The following ABCC4 variants were observed in gnomAD, a reference collection of about 807,000 sequenced individuals.
The protein encoded by ABCC4 is ATP-binding cassette sub-family C member 4.
ABCC4 carries 102 observed loss-of-function variants against 168.5 expected under a neutral mutation model. The observed-to-expected ratio is 0.61, with a 90% CI of 0.52 to 0.71. The LOEUF is 0.71. Ranked by LOEUF, ABCC4 falls within the 30% of genes least tolerant of loss-of-function variation. The probability of loss-of-function intolerance (pLI) is 0.00; values close to 1 mark genes in which losing one functional copy is unlikely to be tolerated. For missense variants in ABCC4, 1,402 were observed against 1,605.8 expected (o/e 0.87, Z 2.17); for synonymous variants, 617 against 590.7 (o/e 1.04, Z -0.65).
chr13:95,133,108 C>CTTTTTT (rs761691210), intron 19 of ABCC4, among the ~76,000 whole-genome samples: 35 of 110,662 alleles, frequency 3.2e-4, no homozygotes, highest in African/African-American at 5.3e-4. Context: ...GATTTTAAAA[C>CTTTTTT]TTTTTTTTTT....
chr13:95,245,867 A>C (rs1594371885), intron 3 of ABCC4, among the ~76,000 whole-genome samples: 1 of 119,948 alleles, frequency 8.3e-6, no homozygotes, highest in South Asian at 3.5e-4. Context: ...CCACATACAA[A>C]CCAACCCCCT....
rs2038787870 is a variant in ABCC4 at position 95,206,607 on chromosome 13, C to T, written c.1086G>A (p.Arg362=). ...AGGGGAAGAAGAGGGTAACCGTCAGCCGCACAGCCCCATACAGCGTCACTG... is the reference window on the plus strand; with the variant it reads ...AGGGGAAGAAGAGGGTAACCGTCAGTCGCACAGCCCCATACAGCGTCACTG... ...FVAVTLYGAV[R]LTVTLFFPSA... Residue 362 remains arginine (R), a synonymous_variant, in exon 8 of 31, where the codon CGG becomes CGA. Transcript: ENST00000645237. The T allele has an allele frequency of 3.1e-6, 5 of 1,614,180 alleles. No individual in the cohort carries two copies. The highest frequency in any genetic ancestry group is 1.6e-4 in the Middle Eastern group (1 of 6,062).
At chr13:95,033,806 C>T (rs1368465642) in intron 30 of ABCC4, among the ~76,000 whole-genome samples, 1 of 152,014 alleles carries the variant, frequency 6.6e-6, no homozygotes, top group East Asian at 1.9e-4. Flanking sequence ...GGGTTACAGG[C>T]ATGTGCTACC....
At chr13:95,291,681 G>A (rs2041408861) in intron 1 of ABCC4, among the ~76,000 whole-genome samples, 1 of 152,128 alleles carries the variant, frequency 6.6e-6, no homozygotes, top group African/African-American at 2.4e-5. Flanking sequence ...GAGGTCAATT[G>A]GCCATGTGTC....
chr13:95,230,491 A>T (rs2039588895), intron 4 of ABCC4, among the ~76,000 whole-genome samples: 1 of 152,142 alleles, frequency 6.6e-6, no homozygotes, highest in Non-Finnish European at 1.5e-5. Flanking sequence ...AAAAGCAAGG[A>T]CTCGGCCGGG....
Position 95,163,203 on chromosome 13 carries a change from T to C in ABCC4, c.2227A>G (p.Ser743Gly). The C allele has an allele frequency of 6.2e-7, 1 of 1,611,634 alleles. No homozygotes were observed. The highest frequency in any genetic ancestry group is 8.5e-7 in the Non-Finnish European group (1 of 1,178,208). ...CCATTTACAGTGACATTTAGCATAC[T>C]TTGTTTGTTTGCCCTATGGAACATG... The part of the protein sequence containing the change: ...WWLSYWANKQ[S>G]MLNVTVNGGG... Residue 743 changes from serine to glycine, a missense_variant, in exon 18 of 31, where the codon AGT becomes GGT. By Grantham distance (56) the Ser-to-Gly change is moderately conservative. This residue lies in a region of ABCC4 where 1,007 missense variants were observed against 1,127.3 expected (regional missense o/e 0.89). Transcript: ENST00000645237.
intron 1 of ABCC4, chr13:95,266,265 C>G (rs1594408714): frequency 6.6e-6 from 1 of 152,506 alleles, no homozygotes; most frequent in Non-Finnish European, 1.5e-5. Context: ...CGGGGGAGAC[C>G]TGGGACAGAC....
intron 9 of ABCC4, among the ~76,000 whole-genome samples, chr13:95,190,891 T>C (rs1434218402): frequency 6.6e-6 from 1 of 152,220 alleles, no homozygotes; most frequent in Non-Finnish European, 1.5e-5. Context: ...GCTATTCTTC[T>C]GCACGACACA....
chr13:95,160,394 A>C (rs1173155613), intron 19 of ABCC4, among the ~76,000 whole-genome samples: 1 of 152,178 alleles, frequency 6.6e-6, no homozygotes, highest in African/African-American at 2.4e-5. Flanking sequence ...ACTTATAGGC[A>C]CAACTAATTC....
At chr13:95,103,364 T>G (rs146980440) in intron 20 of ABCC4, among the ~76,000 whole-genome samples, 1 of 152,288 alleles carries the variant, frequency 6.6e-6, no homozygotes, top group African/African-American at 2.4e-5. Context: ...TATCCTGAGG[T>G]AGAATCACCC....
intron 19 of ABCC4, among the ~76,000 whole-genome samples, chr13:95,140,733 G>A (rs997620485): frequency 1.3e-5 from 2 of 152,146 alleles, no homozygotes; most frequent in African/African-American, 4.8e-5. Context: ...TCTTGGCCTA[G>A]TATCTATCGA....
chr13:95,299,696 T>C (rs868127248), intron 1 of ABCC4, among the ~76,000 whole-genome samples: 1 of 152,054 alleles, frequency 6.6e-6, no homozygotes, highest in African/African-American at 2.4e-5. Context: ...CCACCCTAGG[T>C]TGTCCCATAA....
At chr13:95,226,671 C>T (rs939736510) in intron 4 of ABCC4, among the ~76,000 whole-genome samples, 10 of 152,162 alleles carry the variant, frequency 6.6e-5, no homozygotes, top group Non-Finnish European at 1.0e-4. Flanking sequence ...CAATCTCTAC[C>T]CTTGCCAATC....
At chr13:95,148,726 G>T (rs1323603957) in intron 19 of ABCC4, among the ~76,000 whole-genome samples, 3 of 151,404 alleles carry the variant, frequency 2.0e-5, no homozygotes. Flanking sequence ...AATGAAAGTG[G>T]ACATGAGAAT....
chr13:95,112,833 G>A (rs953728512), intron 20 of ABCC4, among the ~76,000 whole-genome samples: 10 of 151,960 alleles, frequency 6.6e-5, no homozygotes, highest in Admixed American at 2.6e-4. Flanking sequence ...CCCAGGGCCC[G>A]TGATGTCAGC....
intron 22 of ABCC4, 49 bp downstream of exon 22, chr13:95,075,383 A>G: frequency 6.2e-7 from 1 of 1,611,702 alleles, no homozygotes; most frequent in Non-Finnish European, 8.5e-7. Context: ...TTAAGCCAGA[A>G]AAAGCAGCAG....
At chr13:95,292,742 T>C (rs1415240932) in intron 1 of ABCC4, among the ~76,000 whole-genome samples, 3 of 151,942 alleles carry the variant, frequency 2.0e-5, no homozygotes, top group African/African-American at 7.3e-5. Context: ...ACCCACTAAT[T>C]CTATGACACT....
intron 20 of ABCC4, among the ~76,000 whole-genome samples, chr13:95,085,279 GAA>G (rs56064313): frequency 4.1e-4 from 61 of 147,870 alleles, no homozygotes; most frequent in East Asian, 6.0e-4. Context: ...TCTCTACTGA[GAA>G]AAAAAAAAAA....
At chr13:95,158,658 T>C (rs2036962499) in intron 19 of ABCC4, among the ~76,000 whole-genome samples, 1 of 152,202 alleles carries the variant, frequency 6.6e-6, no homozygotes, top group South Asian at 2.1e-4. Flanking sequence ...AAGAACACTC[T>C]GCAATTCAGG....
Sources: gnomAD v4.1 joint callset for allele counts (sites outside exome capture counted in the v4.1 genomes callset) on GRCh38, gnomAD v4.1.1 for gene constraint, gnomAD v4.1.1 regional missense constraint, MANE v1.5 for transcripts, NCBI Gene and HGNC (gene_info 2026-07-23, HGNC 2026-07-21) for gene names.